Variants in ANKS1B observed in about 807,000 individuals in gnomAD.
The protein encoded by ANKS1B is ankyrin repeat and sterile alpha motif domain containing 1B.
ANKS1B carries 36 observed loss-of-function variants against 148.3 expected under a neutral mutation model. The observed-to-expected ratio is 0.24, with a 90% confidence interval of 0.19 to 0.32. The LOEUF (loss-of-function observed/expected upper bound fraction) is 0.32. Among genes scored for constraint, ANKS1B ranks in the 10% least tolerant of loss-of-function variants. The probability of loss-of-function intolerance (pLI) is 1.00; values close to 1 mark genes in which losing one functional copy is unlikely to be tolerated. For synonymous variants in ANKS1B, 542 were observed against 560.8 expected, an observed-to-expected ratio of 0.97 and a Z score of 0.47; for missense variants, 1,157 against 1,542.6, an observed-to-expected ratio of 0.75 and a Z score of 4.19.
At chr12:99,225,128 TCATAGGTAG>T (rs1437816633) in intron 14 of ANKS1B, among the ~76,000 whole-genome samples, 1 of 152,110 alleles carries the variant, frequency 6.6e-6, no homozygotes, top group Admixed American at 6.5e-5. Context: ...TATATATAAA[TCATAGGTAG>T]CATACTCCCC....
At chr12:98,816,771 C>T (rs1231238690) in intron 19 of ANKS1B, among the ~76,000 whole-genome samples, 1 of 151,988 alleles carries the variant, frequency 6.6e-6, no homozygotes, top group Non-Finnish European at 1.5e-5. Flanking sequence ...TTGCTTTCTC[C>T]GTGGACAGAA....
At chr12:99,461,709 G>A (rs936079049) in intron 10 of ANKS1B, among the ~76,000 whole-genome samples, 3 of 152,072 alleles carry the variant, frequency 2.0e-5, no homozygotes, top group Non-Finnish European at 4.4e-5. Flanking sequence ...ATCATTTTGG[G>A]AACTGTCAGT....
At chr12:99,104,777 C>T (rs1352795032) in intron 15 of ANKS1B, 1 of 152,232 alleles carries the variant, frequency 6.6e-6, no homozygotes, top group Admixed American at 6.5e-5. Context: ...CTTTACCTCA[C>T]TTTGACCTTC....
At chr12:99,569,970 G>A (rs2153221522) in intron 9 of ANKS1B, among the ~76,000 whole-genome samples, 1 of 152,260 alleles carries the variant, frequency 6.6e-6, no homozygotes, top group East Asian at 1.9e-4. Context: ...AATGTTGCAG[G>A]ATGAACTGTT....
At chr12:99,399,192 T>A (rs934921381) in intron 12 of ANKS1B, among the ~76,000 whole-genome samples, 11 of 152,064 alleles carry the variant, frequency 7.2e-5, no homozygotes, top group African/African-American at 2.7e-4. Flanking sequence ...CCAACACACT[T>A]CCTCTGCAAG....
rs114012255 is a variant in ANKS1B, at chr12:99,003,383, T to C, written c.2778+49774A>G. On this transcript the variant is annotated intron_variant, in intron 17 of 26. Transcript: ENST00000683438. ...TCTATAAAAAATGCCATCGAGATTT[T>C]AATAGGAATTGCACTGAATCTATAG... Among the ~76,000 whole-genome samples the C allele has an allele frequency of 3.2e-3, 492 of 152,284 alleles. 2 individuals are homozygous for C. The highest frequency in any genetic ancestry group is 0.011 in the African/African-American group (468 of 41,562).
At chr12:99,906,873 G>A (rs2093802869) in intron 1 of ANKS1B, among the ~76,000 whole-genome samples, 1 of 151,978 alleles carries the variant, frequency 6.6e-6, no homozygotes, top group South Asian at 2.1e-4. Context: ...CTGCCCTTCA[G>A]AAAAGTAAAG....
chr12:99,125,012 G>A (rs1164402182), intron 15 of ANKS1B, among the ~76,000 whole-genome samples: 3 of 152,132 alleles, frequency 2.0e-5, no homozygotes, highest in African/African-American at 7.2e-5. Context: ...AAGATCTTTT[G>A]GGAGGTTTTG....
intron 10 of ANKS1B, among the ~76,000 whole-genome samples, chr12:99,476,328 G>T (rs1031944560): frequency 2.0e-5 from 3 of 152,124 alleles, no homozygotes; most frequent in South Asian, 4.1e-4. Context: ...GGGAGGTGCA[G>T]GTTGCAGTGA....
At chr12:99,189,357 T>C (rs2080325258) in intron 14 of ANKS1B, among the ~76,000 whole-genome samples, 1 of 152,138 alleles carries the variant, frequency 6.6e-6, no homozygotes, top group Non-Finnish European at 1.5e-5. Context: ...ACCAGCATCA[T>C]CCTGATACCA....
At chr12:99,560,160 T>C (rs2153194306) in intron 9 of ANKS1B, among the ~76,000 whole-genome samples, 1 of 152,222 alleles carries the variant, frequency 6.6e-6, no homozygotes, top group South Asian at 2.1e-4. Flanking sequence ...TTCACTGCTT[T>C]CTGAAGAGGA....
At chr12:98,794,334 G>A (rs2153566097) in intron 22 of ANKS1B, among the ~76,000 whole-genome samples, 1 of 140,806 alleles carries the variant, frequency 7.1e-6, no homozygotes, top group Non-Finnish European at 1.5e-5. Flanking sequence ...GGAGGTTGCA[G>A]TGAGCCAAGA....
rs143768957 is a variant in ANKS1B at position 99,736,383 on chromosome 12, C to T, written c.1128+36539G>A. Among the ~76,000 whole-genome samples the T allele has an allele frequency of 1.3e-4, 19 of 151,720 alleles. No individual in the cohort carries two copies. The East Asian group carries it at 2.5e-3, about 20-fold the overall frequency. ...CCACCACAAAAAAAAACTCTTCAAA[C>T]TGATAAATTCAGTAAAGTTGCAGGA... is the stretch of plus-strand genomic sequence containing the variant. On this transcript the variant is annotated intron_variant, in intron 8 of 26. Coordinates refer to ENST00000683438, the MANE Select transcript of ANKS1B (RefSeq NM_001352186.2).
At chr12:99,050,976 C>T (rs534542376) in intron 17 of ANKS1B, among the ~76,000 whole-genome samples, 6 of 151,956 alleles carry the variant, frequency 3.9e-5, no homozygotes, top group East Asian at 1.9e-4. Flanking sequence ...GGATTACCGG[C>T]GTGAACCACC....
intron 1 of ANKS1B, among the ~76,000 whole-genome samples, chr12:99,889,906 A>G (rs868282149): frequency 6.6e-6 from 1 of 152,142 alleles, no homozygotes; most frequent in Non-Finnish European, 1.5e-5. Flanking sequence ...GTATTTTAAT[A>G]AGCTTCTAGG....
At chr12:99,364,352 T>C (rs2092654939) in intron 12 of ANKS1B, among the ~76,000 whole-genome samples, 1 of 152,206 alleles carries the variant, frequency 6.6e-6, no homozygotes, top group Non-Finnish European at 1.5e-5. Context: ...ACTGCCTATT[T>C]CTGTTCAGAT....
chr12:98,757,414 C>T (rs80128349), intron 25 of ANKS1B, among the ~76,000 whole-genome samples: 6,131 of 152,310 alleles, frequency 0.04, 176 homozygotes, highest in Middle Eastern at 0.12. Context: ...TGGTTTATTA[C>T]GCAGCAAGAG....
At chr12:99,639,674 T>A (rs2098281493) in intron 9 of ANKS1B, among the ~76,000 whole-genome samples, 2 of 152,102 alleles carry the variant, frequency 1.3e-5, no homozygotes, top group Admixed American at 1.3e-4. Flanking sequence ...AAAGGGGCAT[T>A]TCCCCCTTTG....
intron 8 of ANKS1B, among the ~76,000 whole-genome samples, chr12:99,721,850 A>G (rs1600637889): frequency 1.3e-5 from 2 of 152,358 alleles, no homozygotes; most frequent in East Asian, 3.9e-4. Flanking sequence ...TGTGAATGCA[A>G]AGGAAAAGTT....
Sources: allele counts gnomAD v4.1 joint callset (sites outside exome capture counted in the v4.1 genomes callset), GRCh38; gene constraint gnomAD v4.1.1; transcripts MANE v1.5; gene names NCBI Gene and HGNC (gene_info 2026-07-23, HGNC 2026-07-21).